NUP210L: variants seen among roughly 807,000 people sequenced by gnomAD.
NUP210L encodes the protein nucleoporin 210 like.
In NUP210L, 74 loss-of-function variants were observed where a neutral mutation model predicts 208.5. The ratio of observed to expected loss-of-function variants is 0.35; its 90% CI spans 0.29 to 0.43. The LOEUF (loss-of-function observed/expected upper bound fraction) is 0.43, where lower values mean the gene tolerates loss of function less well. NUP210L is among the 20% of genes least tolerant of loss of function. The pLI is 1.00. For missense variants in NUP210L, 1,843 were observed against 2,289.4 expected (o/e 0.81, Z 3.98); for synonymous variants, 780 against 816.9 (o/e 0.95, Z 0.77).
intron 3 of NUP210L, among the ~76,000 whole-genome samples, chr1:154,142,799 G>T (rs1658919198): frequency 6.6e-6 from 1 of 151,990 alleles, no homozygotes; most frequent in Non-Finnish European, 1.5e-5. Context: ...TGAGGCACAA[G>T]AATCGCCTGA....
exon 17 of NUP210L, chr1:154,070,420 A>G (rs746889860): frequency 1.2e-6 from 2 of 1,612,572 alleles, no homozygotes. Context: ...TGTTGATCAA[A>G]CACTGCTAGT....
chr1:154,094,050 GAGTTGGGCAGA>G (rs1656064326), intron 15 of NUP210L, among the ~76,000 whole-genome samples: 1 of 152,106 alleles, frequency 6.6e-6, no homozygotes, highest in Non-Finnish European at 1.5e-5. Context: ...TTGGGAGGCC[GAGTTGGGCAGA>G]TCACAAGGTC....
intron 16 of NUP210L, among the ~76,000 whole-genome samples, chr1:154,078,342 C>A (rs1368308267): frequency 3.9e-5 from 6 of 151,900 alleles, no homozygotes; most frequent in African/African-American, 1.5e-4. Context: ...TGCCTGTAAT[C>A]CCAACACTTT....
intron 2 of NUP210L, 118 bp from the exon 3 acceptor site, chr1:154,143,695 T>G: frequency 1.2e-6 from 1 of 806,088 alleles, no homozygotes; most frequent in Non-Finnish European, 1.9e-6. Flanking sequence ...GACTGCTGCT[T>G]TTACCTATGG....
chr1:154,035,085 C>A, intron 27 of NUP210L, among the ~76,000 whole-genome samples: 1 of 152,088 alleles, frequency 6.6e-6, no homozygotes, highest in Admixed American at 6.6e-5. Context: ...TGTGATCTAC[C>A]TGCCTCGGCC....
At chr1:154,007,490 G>C (rs922789741) in intron 35 of NUP210L, among the ~76,000 whole-genome samples, 4 of 151,824 alleles carry the variant, frequency 2.6e-5, no homozygotes, top group Non-Finnish European at 5.9e-5. Flanking sequence ...GTGAACTCCC[G>C]ACCTCAGGTG....
chr1:154,083,777 T>C (rs1655481287), intron 16 of NUP210L, among the ~76,000 whole-genome samples: 1 of 152,096 alleles, frequency 6.6e-6, no homozygotes, highest in East Asian at 1.9e-4. Flanking sequence ...TGAGAGTTTT[T>C]CCTGAACAAT....
intron 32 of NUP210L, among the ~76,000 whole-genome samples, chr1:154,021,545 T>G (rs886598570): frequency 2.0e-5 from 3 of 151,430 alleles, no homozygotes; most frequent in African/African-American, 7.3e-5. Flanking sequence ...AGAAAAAACC[T>G]TATTACAATG....
chr1:154,093,118 T>A (rs1656013452), intron 15 of NUP210L, among the ~76,000 whole-genome samples: 1 of 152,108 alleles, frequency 6.6e-6, no homozygotes, highest in African/African-American at 2.4e-5. Context: ...ACTGTACATT[T>A]TAAAAAAATG....
At chr1:154,034,179 G>C (rs185781621) in intron 27 of NUP210L, among the ~76,000 whole-genome samples, 39 of 152,100 alleles carry the variant, frequency 2.6e-4, no homozygotes, top group African/African-American at 9.4e-4. Context: ...TTGTTATCAG[G>C]GTAATACTGG....
exon 25 of NUP210L, chr1:154,054,243 G>A (rs963714601): frequency 3.1e-6 from 5 of 1,614,106 alleles, no homozygotes; most frequent in Non-Finnish European, 3.4e-6. Flanking sequence ...AAAACACAAT[G>A]ACTTTGCCAG....
exon 39 of NUP210L, chr1:153,993,073 T>C (rs368503003): frequency 1.9e-5 from 31 of 1,613,348 alleles, no homozygotes; most frequent in Non-Finnish European, 2.5e-5. Context: ...GTATCTTGTT[T>C]AGGAAGGCAT....
chr1:154,101,172 C>CAAAA (rs35540425), intron 13 of NUP210L, among the ~76,000 whole-genome samples: 124 of 104,628 alleles, frequency 1.2e-3, no homozygotes, highest in East Asian at 3.1e-3. Context: ...AACTCTGTCT[C>CAAAA]AAAAAAAAAA....
At chr1:154,046,390 C>A in intron 25 of NUP210L, 21 bp from the exon 26 acceptor site, 5 of 1,603,996 alleles carry the variant, frequency 3.1e-6, no homozygotes, top group South Asian at 1.1e-5. Context: ...GGGTGGAGAG[C>A]AAGCTTAGGC....
intron 10 of NUP210L, among the ~76,000 whole-genome samples, chr1:154,121,571 T>G (rs939063288): frequency 1.3e-5 from 2 of 152,132 alleles, no homozygotes; most frequent in East Asian, 3.8e-4. Context: ...TCTTCCACCA[T>G]AAGAAACTTT....
chr1:154,141,200 A>C (rs1004299830), intron 4 of NUP210L, among the ~76,000 whole-genome samples: 1 of 152,206 alleles, frequency 6.6e-6, no homozygotes, highest in African/African-American at 2.4e-5. Flanking sequence ...ATTGTGTAGT[A>C]CTTAGCCCAT....
At chr1:154,023,393 T>A (rs752514818) in intron 30 of NUP210L, 96 bp from the exon 31 acceptor site, 21 of 998,814 alleles carry the variant, frequency 2.1e-5, no homozygotes, top group Non-Finnish European at 3.1e-5. Context: ...AAGAGTGATG[T>A]TTCTTTTCCA....
chr1:154,063,191 C>A (rs1374028746), intron 17 of NUP210L, among the ~76,000 whole-genome samples: 1 of 152,058 alleles, frequency 6.6e-6, no homozygotes, highest in Non-Finnish European at 1.5e-5. Flanking sequence ...ACGTACAGAG[C>A]ACATATAGTA....
intron 32 of NUP210L, 79 bp downstream of exon 32, chr1:154,022,047 A>G: frequency 1.5e-6 from 2 of 1,304,564 alleles, no homozygotes; most frequent in East Asian, 4.6e-5. Flanking sequence ...GGGATTAATA[A>G]CTGCTTTTTT....
Sources: gnomAD v4.1 joint callset for allele counts (sites outside exome capture counted in the v4.1 genomes callset) on GRCh38, gnomAD v4.1.1 for gene constraint, MANE v1.5 for transcripts, NCBI Gene and HGNC (gene_info 2026-07-23, HGNC 2026-07-21) for gene names.